CACNA1C: variants seen among roughly 807,000 people sequenced by gnomAD.
CACNA1C encodes the protein calcium voltage-gated channel subunit alpha1 C, also known as voltage-dependent L-type calcium channel subunit alpha-1C.
Under a neutral mutation model 229.0 loss-of-function variants are expected in CACNA1C, and 30 were observed. The ratio of observed to expected loss-of-function variants is 0.13; its 90% CI spans 0.10 to 0.18. The LOEUF (loss-of-function observed/expected upper bound fraction) is 0.18, where lower values mean the gene tolerates loss of function less well. Ranked by LOEUF, CACNA1C falls within the 10% of genes least tolerant of loss-of-function variation. The pLI, the probability that CACNA1C is intolerant of heterozygous loss-of-function variation, is 1.00. For missense variants in CACNA1C, 1,658 were observed against 2,845.0 expected (o/e 0.58, Z 9.49); for synonymous variants, 1,114 against 1,132.5 (o/e 0.98, Z 0.33).
chr12:2,581,996 T>C (rs1412602802), intron 14 of CACNA1C, among the ~76,000 whole-genome samples, 199 bp downstream of exon 14: 4 of 151,206 alleles, frequency 2.6e-5, no homozygotes, highest in African/African-American at 9.7e-5. Context: ...CACTAGTGGG[T>C]GGACCATTAG....
rs1357197377 is a variant in CACNA1C, at chr12:2,285,798, G to A, written c.478-163178G>A. Among the ~76,000 whole-genome samples the A allele has an allele frequency of 5.9e-5, 9 of 152,164 alleles. No individual in the cohort carries two copies. Among genetic ancestry groups the A allele is most frequent in the Non-Finnish European group, 1.0e-4 (7 of 68,028 alleles). ...GCACCTACCCAGCGGCTTTTTGGGC[G>A]GCAGTGGAAGGGAGTGTTTTATTAG... On this transcript the variant is annotated intron_variant, in intron 3 of 46. Coordinates refer to ENST00000399655, the MANE Select transcript of CACNA1C (RefSeq NM_000719.7). This position sits in a 1 kb window ranked among gnomAD's most constrained non-coding sequence, Gnocchi z 4.2.
intron 3 of CACNA1C, among the ~76,000 whole-genome samples, chr12:2,196,405 G>A (rs906813586): frequency 1.3e-5 from 2 of 152,222 alleles, no homozygotes; most frequent in African/African-American, 4.8e-5. Context: ...CCCAAATGAG[G>A]CCTGATAAGA....
chr12:2,553,896 G>A (rs1245791781), intron 10 of CACNA1C, among the ~76,000 whole-genome samples: 2 of 152,236 alleles, frequency 1.3e-5, no homozygotes, highest in African/African-American at 2.4e-5. Flanking sequence ...TCTATGCCGT[G>A]CAAGGGCAGG....
At chr12:2,505,400 T>C (rs1194448932) in intron 8 of CACNA1C, among the ~76,000 whole-genome samples, 2 of 152,208 alleles carry the variant, frequency 1.3e-5, no homozygotes, top group Non-Finnish European at 2.9e-5. Flanking sequence ...AGCCATATAT[T>C]ATTTAAGAAT....
At chr12:2,568,370 T>C (rs961117336) in intron 13 of CACNA1C, among the ~76,000 whole-genome samples, 2 of 151,846 alleles carry the variant, frequency 1.3e-5, no homozygotes, top group African/African-American at 4.8e-5. Context: ...TGGGTGGGAG[T>C]GTAAAATGGT....
At chr12:2,588,613 A>C (rs1406024279) in intron 18 of CACNA1C, among the ~76,000 whole-genome samples, 1 of 152,154 alleles carries the variant, frequency 6.6e-6, no homozygotes, top group East Asian at 1.9e-4. Context: ...TTCTAATTCA[A>C]CAAGGGGCCA....
chr12:2,681,821 A>C, intron 42 of CACNA1C: 1 of 665,162 alleles, frequency 1.5e-6, no homozygotes. Flanking sequence ...CAGGGGTCTG[A>C]GGATAAAGTG....
chr12:2,462,249 G>T (rs1056050984), intron 5 of CACNA1C, among the ~76,000 whole-genome samples: 2 of 149,508 alleles, frequency 1.3e-5, no homozygotes, highest in African/African-American at 2.5e-5. Context: ...CCCCCACCTC[G>T]GCTCAGCTCT....
Position 2,331,938 on chromosome 12 carries a change from G to A in CACNA1C, c.478-117038G>A, listed in dbSNP as rs200566897. 3.3e-5 allele frequency among the ~76,000 whole-genome samples: 5 copies of A among 152,200 alleles called. No individual in the cohort carries two copies. The East Asian group carries it at 9.6e-4, about 29-fold the overall frequency. On this transcript the variant is annotated intron_variant, in intron 3 of 46. Transcript: ENST00000399655. ...AATATGACAATTAAGTGTAATGCATGACTTAGGTTGAATCCTGAACTCCCT... is the reference window on the plus strand; with the variant it reads ...AATATGACAATTAAGTGTAATGCATAACTTAGGTTGAATCCTGAACTCCCT...
intron 3 of CACNA1C, among the ~76,000 whole-genome samples, chr12:2,249,287 A>G (rs1329258189): frequency 6.6e-6 from 1 of 152,216 alleles, no homozygotes; most frequent in Non-Finnish European, 1.5e-5. Flanking sequence ...ACTGGCGAAC[A>G]GGCCACATCC....
chr12:2,474,528 G>A (rs2099611708), intron 5 of CACNA1C, among the ~76,000 whole-genome samples: 1 of 152,146 alleles, frequency 6.6e-6, no homozygotes, highest in Non-Finnish European at 1.5e-5. Flanking sequence ...GCCGAGGCAG[G>A]CAGATCACTT....
intron 3 of CACNA1C, among the ~76,000 whole-genome samples, chr12:2,124,267 G>A (rs1463966503): frequency 1.3e-5 from 2 of 152,138 alleles, no homozygotes; most frequent in Non-Finnish European, 2.9e-5. Flanking sequence ...GGGTGTCAGG[G>A]TGGAAGAACT....
chr12:2,477,126 A>G lies in CACNA1C; in HGVS notation c.758-8978A>G, dbSNP rs11615435. Among the ~76,000 whole-genome samples, 571 of 152,342 alleles carry G rather than the reference A, an allele frequency of 3.7e-3. 1 individual carries two copies. The highest frequency in any genetic ancestry group is 6.5e-3 in the Non-Finnish European group (445 of 68,032). On this transcript the variant is annotated intron_variant, in intron 5 of 46. Coordinates refer to ENST00000399655, the MANE Select transcript of CACNA1C (RefSeq NM_000719.7). ...CATCAGCCAAATGAAGGCAGAAAAC[A>G]TGATCTGTGAGATTCATCACGTCTC...
Position 2,043,749 on chromosome 12 carries a change from G to A in CACNA1C, c.140-71475G>A, listed in dbSNP as rs1005595505. On this transcript the variant is annotated intron_variant, in intron 1 of 46. Coordinates refer to the CACNA1C transcript ENST00000682462. ...CGGCTCACTGCAAGCTCCGCTTCCC[G>A]GGTTCACGCCATTCTCCTGCCTCAG... Among the ~76,000 whole-genome samples the A allele has an allele frequency of 4.8e-4, 66 of 136,136 alleles. 1 individual carries two copies. The highest frequency in any genetic ancestry group is 8.3e-3 in the Middle Eastern group (2 of 240). 89.3% of individuals were successfully genotyped at this position (136,136 alleles called of 152,430 possible).
rs908652571 is a variant in CACNA1C, at chr12:2,208,903, T to G, written c.477+88473T>G. Among the ~76,000 whole-genome samples, 9 of 152,224 alleles carry G rather than the reference T, an allele frequency of 5.9e-5. No homozygotes were observed. The South Asian group carries it at 1.9e-3, about 31-fold the overall frequency. On this transcript the variant is annotated intron_variant, in intron 3 of 46. Transcript: ENST00000399655. ...TACATTGAAATAATAGAGAAACCTG[T>G]GACCTGACCACTCTAATGATTCTAA...
intron 3 of CACNA1C, among the ~76,000 whole-genome samples, chr12:2,411,672 G>A (rs1684797140): frequency 6.6e-6 from 1 of 152,210 alleles, no homozygotes; most frequent in African/African-American, 2.4e-5. Context: ...GAGCCCAGAG[G>A]TTTCCAGGGC....
chr12:2,607,190 C>T lies in CACNA1C; in HGVS notation c.3356+60C>T, dbSNP rs1460309420. The stretch of plus-strand genomic sequence containing the variant: ...CATTCAAGGGCCAGTACTGACTTTC[C>T]AGCCCATCCCCAAGTTTTGTTAATG... On this transcript the variant is annotated intron_variant, in intron 26 of 46. Coordinates refer to ENST00000399655, the MANE Select transcript of CACNA1C (RefSeq NM_000719.7). 2.6e-6 allele frequency: 4 copies of T among 1,529,062 alleles called. No individual in the cohort carries two copies. The East Asian group carries it at 9.6e-5, about 37-fold the overall frequency. 94.7% of individuals were successfully genotyped at this position (1,529,062 alleles called of 1,614,324 possible).
intron 29 of CACNA1C, among the ~76,000 whole-genome samples, chr12:2,625,039 C>T (rs1010120663): frequency 6.6e-6 from 1 of 152,132 alleles, no homozygotes; most frequent in African/African-American, 2.4e-5. Context: ...CCGGGTGCCA[C>T]GCAGTGCTCC....
intron 3 of CACNA1C, among the ~76,000 whole-genome samples, chr12:2,427,371 A>G (rs947071820): frequency 1.3e-4 from 20 of 152,170 alleles, no homozygotes; most frequent in African/African-American, 4.8e-4. Context: ...TTTTTAATAT[A>G]TTATTGGCAG....
Sources: allele counts gnomAD v4.1 joint callset (sites outside exome capture counted in the v4.1 genomes callset), GRCh38; gene constraint gnomAD v4.1.1; non-coding constraint Gnocchi (gnomAD v3.1); transcripts MANE v1.5; gene names NCBI Gene and HGNC (gene_info 2026-07-23, HGNC 2026-07-21).